Variants in ATXN3L observed in about 807,000 individuals in gnomAD.
The protein encoded by ATXN3L is ataxin-3-like protein.
For synonymous variants in ATXN3L, 98 were observed against 96.1 expected (o/e 1.02, Z -0.12); for missense variants, 283 against 255.2 (o/e 1.11, Z -0.74).
chrX:13,319,774 G>A lies in ATXN3L; in HGVS notation c.161C>T (p.Thr54Ile), dbSNP rs1228326272. Reference sequence around the variant, plus strand: ...TAAAAATGCAAGATACTCTTCACTGGTGACTCCTCCTTCTGCCATTCTCAT... The same window carrying A: ...TAAAAATGCAAGATACTCTTCACTGATGACTCCTCCTTCTGCCATTCTCAT... Reference protein sequence around the residue: ...ERMRMAEGGVTSEEYLAFLQQ... With the variant: ...ERMRMAEGGVISEEYLAFLQQ... Residue 54 changes from threonine (T) to isoleucine (I), a missense_variant, in exon 1 of 1, where the codon ACC becomes ATC. By Grantham distance (89) the Thr-to-Ile change is moderately conservative. Coordinates refer to ENST00000380622, the MANE Select transcript of ATXN3L (RefSeq NM_001135995.2). 2 of 1,211,681 alleles carry A rather than the reference G, an allele frequency of 1.7e-6. No individual in the cohort carries two copies. The highest frequency in any genetic ancestry group is 3.5e-5 in the South Asian group (2 of 56,985).
In ATXN3L at chrX:13,319,783, C is replaced by T. The variant is rs1205752268; in HGVS notation, c.152G>A (p.Gly51Glu). 8.3e-7 allele frequency: 1 copy of T among 1,211,900 alleles called. No individual in the cohort carries two copies. Among genetic ancestry groups the T allele is most frequent in the Admixed American group, 2.2e-5 (1 of 46,043 alleles). ...AAGATACTCTTCACTGGTGACTCCT[C>T]CTTCTGCCATTCTCATCCTCTCTTC... ...DEEERMRMAE[G>E]GVTSEEYLAF... Residue 51 changes from glycine to glutamate, a missense_variant, in exon 1 of 1, where the codon GGA becomes GAA. Transcript: ENST00000380622.
rs2044476035 is a variant in ATXN3L, at chrX:13,319,723, T to G, written c.212A>C (p.Asp71Ala). ...TACCTGAATGGAGAAGAAACCGGTA[T>G]CATCCATGTTTTCTGAAGGCTGCTG... ...FLQQPSENMD[D>A]TGFFSIQVIS... The change falls in exon 1 of 1, where the codon GAT (aspartate) becomes GCT (alanine). Residue 71 changes from aspartate to alanine, a missense_variant. By Grantham distance (126) the Asp-to-Ala change is moderately radical. Transcript: ENST00000380622. 8.3e-7 allele frequency: 1 copy of G among 1,210,240 alleles called. No homozygotes were observed. The highest frequency in any genetic ancestry group is 1.8e-5 in the South Asian group (1 of 56,848).
In ATXN3L at chrX:13,319,474, C is replaced by T. The variant is rs376294771; in HGVS notation, c.461G>A (p.Arg154Gln). 2.8e-5 allele frequency: 34 copies of T among 1,209,659 alleles called. No individual in the cohort carries two copies. The highest frequency in any genetic ancestry group is 1.1e-4 in the South Asian group (6 of 56,809). The change falls in exon 1 of 1, where the codon CGA (arginine) becomes CAA (glutamine). Residue 154 changes from arginine to glutamine, a missense_variant. By Grantham distance (43) the Arg-to-Gln change is conservative (BLOSUM62 1). Coordinates refer to ENST00000380622, the MANE Select transcript of ATXN3L (RefSeq NM_001135995.2). The part of the protein sequence containing the change: ...SDTCLANFLA[R>Q]LQQQAYSVFV... Reference sequence around the variant, plus strand: ...TACAGAATATGCTTGTTGTTGTAATCGAGCCAAGAAATTTGCAAGGCATGT... The same window carrying T: ...TACAGAATATGCTTGTTGTTGTAATTGAGCCAAGAAATTTGCAAGGCATGT...
At position 13,319,308 on chromosome X, in the gene ATXN3L, A is replaced by C; in HGVS notation, c.627T>G (p.Leu209=). 8.3e-7 allele frequency: 1 copy of C among 1,211,024 alleles called. No individual in the cohort carries two copies. The highest frequency in any genetic ancestry group is 1.1e-6 in the Non-Finnish European group (1 of 895,114). Residue 209 remains leucine, a synonymous_variant, in exon 1 of 1, where the codon CTT becomes CTG. Transcript: ENST00000380622. ...QKEHRVYKTV[L]EKVSEESDES... is the part of the protein sequence containing the mutation. ...CATCACTTTCTTCTGATACTTTTTC[A>C]AGGACTGTTTTATAGACTCTATGCT...
chrX:13,318,756 C>G lies in ATXN3L; in HGVS notation c.*111G>C, dbSNP rs768051394. 1 of 624,132 alleles carries G rather than the reference C, an allele frequency of 1.6e-6. No individual in the cohort carries two copies. Among genetic ancestry groups the G allele is most frequent in the African/African-American group, 2.3e-5 (1 of 44,188 alleles). The allele number at this position is 624,132 out of a possible 1,213,427, so 51.4% of individuals were successfully genotyped here. A position where few individuals can be genotyped will look rare whatever the true frequency, so the allele number is the denominator to read the frequency against. On this transcript the variant is annotated 3_prime_UTR_variant, in exon 1 of 1. Transcript: ENST00000380622. ...TCTCGTCATTTTGTTTGCAAACTGT[C>G]TAAAAGCCTTATTTCCTCATCTCTT... is the stretch of plus-strand genomic sequence containing the variant.
chrX:13,319,035 CTGT>C lies in ATXN3L; in HGVS notation c.897_899del (p.Gln300del). 1 of 1,211,615 alleles carries C rather than the reference CTGT, an allele frequency of 8.3e-7. No homozygotes were observed. The highest frequency in any genetic ancestry group is 1.7e-5 in the African/African-American group (1 of 57,771). On this transcript the variant is annotated inframe_deletion, in exon 1 of 1. Transcript: ENST00000380622. ...ATGAACTGTGGCCCGGCAGATCTGA[CTGT>C]TGTTGCTGCTGCTTCTGTTCCTGCT...
Position 13,318,722 on chromosome X carries a change from C to A in ATXN3L, c.*145G>T. 1 of 434,365 alleles carries A rather than the reference C, an allele frequency of 2.3e-6. No individual in the cohort carries two copies. The highest frequency in any genetic ancestry group is 3.8e-6 in the Non-Finnish European group (1 of 261,813). The allele number at this position is 434,365 out of a possible 1,213,427, so 35.8% of individuals were successfully genotyped here. On this transcript the variant is annotated 3_prime_UTR_variant, in exon 1 of 1. Transcript: ENST00000380622. ...GTAGTTGAACGATCATTATTTAGTCCCACATCTCTCTCGTCATTTTGTTTG... is the reference window on the plus strand; with the variant it reads ...GTAGTTGAACGATCATTATTTAGTCACACATCTCTCTCGTCATTTTGTTTG...
In ATXN3L at chrX:13,318,898, C is replaced by T. The variant is rs766819464; in HGVS notation, c.1037G>A (p.Arg346Lys). The T allele has an allele frequency of 3.8e-5, 45 of 1,190,483 alleles. 1 individual carries two copies. In the South Asian group the frequency reaches 7.7e-4, roughly 20 times the overall value. The change falls in exon 1 of 1, where the codon AGA becomes AAA. Residue 346 changes from arginine (R) to lysine (K), a missense_variant. Physicochemically the swap from Arg to Lys is conservative, Grantham distance 26. Transcript: ENST00000380622. The part of the protein sequence containing the change: ...AAVDTILEIM[R>K]KNLKIKGEK ...TTCCCCTTTGATTTTCAAATTCTTTCTCATAATTTCTAAAATGGTGTCGAC... is the reference window on the plus strand; with the variant it reads ...TTCCCCTTTGATTTTCAAATTCTTTTTCATAATTTCTAAAATGGTGTCGAC...
rs2044475822 is a variant in ATXN3L, at chrX:13,319,700, C to A, written c.235G>T (p.Val79Leu). 8.3e-7 allele frequency: 1 copy of A among 1,209,895 alleles called. No homozygotes were observed. The highest frequency in any genetic ancestry group is 1.7e-5 in the African/African-American group (1 of 57,267). The change falls in exon 1 of 1, where the codon GTA becomes TTA. Residue 79 changes from valine to leucine, a missense_variant. Physicochemically the swap from Val to Leu is conservative, Grantham distance 32 (BLOSUM62 1). Coordinates refer to ENST00000380622, the MANE Select transcript of ATXN3L (RefSeq NM_001135995.2). Reference protein sequence around the residue: ...MDDTGFFSIQVISNALKFWGL... With the variant: ...MDDTGFFSIQLISNALKFWGL... The stretch of plus-strand genomic sequence containing the variant: ...CAGAACTTCAAGGCATTGCTTATTA[C>A]CTGAATGGAGAAGAAACCGGTATCA...
At position 13,319,857 on chromosome X, in the gene ATXN3L, T is replaced by G. The variant is rs917866768; in HGVS notation, c.78A>C (p.Glu26Asp). 1.7e-6 allele frequency: 2 copies of G among 1,211,753 alleles called. No homozygotes were observed. The highest frequency in any genetic ancestry group is 2.2e-6 in the Non-Finnish European group (2 of 895,340). ...QHCLNNLLQG[E>D]YFSPVELASI... ...AGGCTAATTCCACAGGGCTAAAATA[T>G]TCTCCTTGCAATAGATTGTTCAGAC... Residue 26 changes from glutamate (E) to aspartate (D), a missense_variant, in exon 1 of 1, where the codon GAA becomes GAC. Transcript: ENST00000380622.
rs1489700257 is a variant in ATXN3L at position 13,320,035 on chromosome X, T to G, written c.-101A>C. On this transcript the variant is annotated 5_prime_UTR_variant, in exon 1 of 1. Coordinates refer to ENST00000380622, the MANE Select transcript of ATXN3L (RefSeq NM_001135995.2). ...TTTGTGGATAGCCATGTAACAGATG[T>G]TAGGTTTTCAAACCTTATGAAGACC... The G allele has an allele frequency of 1.6e-6, 1 of 623,467 alleles. No individual in the cohort carries two copies. Among genetic ancestry groups the G allele is most frequent in the Non-Finnish European group, 2.5e-6 (1 of 404,874 alleles). 51.4% of individuals were successfully genotyped at this position (623,467 alleles called of 1,213,427 possible).
In ATXN3L at chrX:13,319,775, T is replaced by G. The variant is rs759080256; in HGVS notation, c.160A>C (p.Thr54Pro). ...AAAAATGCAAGATACTCTTCACTGG[T>G]GACTCCTCCTTCTGCCATTCTCATC... is the stretch of plus-strand genomic sequence containing the variant. Reference protein sequence around the residue: ...ERMRMAEGGVTSEEYLAFLQQ... With the variant: ...ERMRMAEGGVPSEEYLAFLQQ... Residue 54 changes from threonine (T) to proline (P), a missense_variant, in exon 1 of 1, where the codon ACC (threonine) becomes CCC (proline). Physicochemically the swap from Thr to Pro is conservative, Grantham distance 38. Transcript: ENST00000380622. 1 of 1,211,942 alleles carries G rather than the reference T, an allele frequency of 8.3e-7. No homozygotes were observed. The highest frequency in any genetic ancestry group is 2.2e-5 in the Admixed American group (1 of 46,029).
Position 13,319,571 on chromosome X carries a change from T to C in ATXN3L, c.364A>G (p.Thr122Ala), listed in dbSNP as rs375597318. The C allele has an allele frequency of 9.1e-6, 11 of 1,208,631 alleles. No homozygotes were observed. The African/African-American group carries it at 1.4e-4, about 15-fold the overall frequency. Residue 122 changes from threonine (T) to alanine (A), a missense_variant, in exon 1 of 1, where the codon ACT becomes GCT. Transcript: ENST00000380622. ...CAGTGTTTTCCAAATTTTCTAATAGTAAACCAGTGTTGTTTATAATTACAT... is the reference window on the plus strand; with the variant it reads ...CAGTGTTTTCCAAATTTTCTAATAGCAAACCAGTGTTGTTTATAATTACAT... ...FICNYKQHWF[T>A]IRKFGKHWFN...
Position 13,319,480 on chromosome X carries a change from A to G in ATXN3L, c.455T>C (p.Leu152Ser). The G allele has an allele frequency of 8.3e-7, 1 of 1,211,897 alleles. No individual in the cohort carries two copies. The change falls in exon 1 of 1, where the codon TTG becomes TCG. Residue 152 changes from leucine (L) to serine (S), a missense_variant. Coordinates refer to ENST00000380622, the MANE Select transcript of ATXN3L (RefSeq NM_001135995.2). ...LISDTCLANF[L>S]ARLQQQAYSV... ...ATATGCTTGTTGTTGTAATCGAGCC[A>G]AGAAATTTGCAAGGCATGTATCTGA...
At position 13,318,874 on chromosome X, in the gene ATXN3L, TC is replaced by T; in HGVS notation, c.1060del (p.Glu354LysfsTer20). 8.4e-7 allele frequency: 1 copy of T among 1,190,056 alleles called. No individual in the cohort carries two copies. Among genetic ancestry groups the T allele is most frequent in the Non-Finnish European group, 1.1e-6 (1 of 883,297 alleles). On this transcript the variant is annotated frameshift_variant, in exon 1 of 1. Coordinates refer to ENST00000380622, the MANE Select transcript of ATXN3L (RefSeq NM_001135995.2). LOFTEE classifies it high-confidence loss of function. ...AAATTATTTTTAAAGGCATTATTTT[TC>T]CCCTTTGATTTTCAAATTCTTTCTC... ...IMRKNLKIKGEK is the reference protein window; with the variant it reads ...IMRKNLKIKGXK
Position 13,319,147 on chromosome X carries a change from G to T in ATXN3L, c.788C>A (p.Ser263Ter), listed in dbSNP as rs768684316. ...ACATGATGTCTTTGGAAGATCTTGC[G>T]ATGTGTTTCCGGAACTACCTTGCAT... ...LSMQGSSGNT[S>*]QDLPKTSCVT... The change falls in exon 1 of 1, where the codon TCG (serine) becomes TAG (stop). Residue 263 changes from serine to a stop codon, truncating the protein, a stop_gained. Transcript: ENST00000380622. LOFTEE classifies it low-confidence loss of function (END_TRUNC). 22 of 1,209,618 alleles carry T rather than the reference G, an allele frequency of 1.8e-5. No individual in the cohort carries two copies. In the South Asian group the frequency reaches 3.3e-4, roughly 18 times the overall value.
chrX:13,319,722 A>G lies in ATXN3L; in HGVS notation c.213T>C (p.Asp71=), dbSNP rs763555156. The G allele has an allele frequency of 8.3e-7, 1 of 1,211,777 alleles. No individual in the cohort carries two copies. Among genetic ancestry groups the G allele is most frequent in the South Asian group, 1.8e-5 (1 of 56,994 alleles). Residue 71 remains aspartate, a synonymous_variant, in exon 1 of 1, where the codon GAT becomes GAC. Transcript: ENST00000380622. Reference sequence around the variant, plus strand: ...TTACCTGAATGGAGAAGAAACCGGTATCATCCATGTTTTCTGAAGGCTGCT... The same window carrying G: ...TTACCTGAATGGAGAAGAAACCGGTGTCATCCATGTTTTCTGAAGGCTGCT... ...FLQQPSENMD[D]TGFFSIQVIS...
Position 13,318,964 on chromosome X carries a change from T to G in ATXN3L, c.971A>C (p.Asp324Ala), listed in dbSNP as rs1376950872. 8.3e-7 allele frequency: 1 copy of G among 1,211,353 alleles called. No individual in the cohort carries two copies. The highest frequency in any genetic ancestry group is 1.1e-6 in the Non-Finnish European group (1 of 894,825). The change falls in exon 1 of 1, where the codon GAT becomes GCT. Residue 324 changes from aspartate (D) to alanine (A), a missense_variant. Asp to Ala is a moderately radical substitution (Grantham distance 126). Transcript: ENST00000380622. ...GCCTTCACTGATGTCATCACTGAGA[T>G]CACTCTCAATTGCTCTCGAACTTGT... Reference protein sequence around the residue: ...PTTSSRAIESDLSDDISEGTV... With the variant: ...PTTSSRAIESALSDDISEGTV...
In ATXN3L at chrX:13,319,884, G is replaced by C. The variant is rs781376546; in HGVS notation, c.51C>G (p.His17Gln). Residue 17 changes from histidine to glutamine, a missense_variant, in exon 1 of 1, where the codon CAC becomes CAG. His to Gln is a conservative substitution (Grantham distance 24). Coordinates refer to ENST00000380622, the MANE Select transcript of ATXN3L (RefSeq NM_001135995.2). ...EKQEGFLCAQ[H>Q]CLNNLLQGEY... ...CTCCTTGCAATAGATTGTTCAGACA[G>C]TGCTGAGCACACAGGAAACCTTCCT... The C allele has an allele frequency of 7.4e-6, 9 of 1,209,274 alleles. No homozygotes were observed. The highest frequency in any genetic ancestry group is 7.8e-6 in the Non-Finnish European group (7 of 894,701).
Sources: gnomAD v4.1 joint callset for allele counts on GRCh38, gnomAD v4.1.1 for gene constraint, MANE v1.5 for transcripts, NCBI Gene and HGNC (gene_info 2026-07-23, HGNC 2026-07-21) for gene names.